The following SUZ12 variants were observed in gnomAD, a reference collection of about 807,000 sequenced individuals.
The protein encoded by SUZ12 is SUZ12 polycomb repressive complex 2 subunit.
In SUZ12, 17 loss-of-function variants were observed where a neutral mutation model predicts 87.3. That is an observed-to-expected ratio of 0.19 (90% CI 0.13 to 0.29). The LOEUF (loss-of-function observed/expected upper bound fraction) is 0.29, where lower values mean the gene tolerates loss of function less well. Ranked by LOEUF, SUZ12 falls within the 10% of genes least tolerant of loss-of-function variation. The pLI is 1.00. For missense variants in SUZ12, 526 were observed against 912.2 expected (o/e 0.58, Z 5.45); for synonymous variants, 253 against 312.4 (o/e 0.81, Z 2.01).
chr17:31,951,666 C>T (rs7214178), intron 4 of SUZ12, among the ~76,000 whole-genome samples: 2 of 151,268 alleles, frequency 1.3e-5, no homozygotes, highest in African/African-American at 2.4e-5. Flanking sequence ...TTAGTAGAGA[C>T]GGGGTTTCAC....
At chr17:31,980,081 T>C (rs898553510) in intron 8 of SUZ12, among the ~76,000 whole-genome samples, 4 of 151,732 alleles carry the variant, frequency 2.6e-5, no homozygotes, top group African/African-American at 9.7e-5. Flanking sequence ...CCTAACACTT[T>C]GGGAGTCCAA....
At chr17:31,960,178 C>T (rs1907611876) in intron 4 of SUZ12, among the ~76,000 whole-genome samples, 2 of 151,972 alleles carry the variant, frequency 1.3e-5, no homozygotes, top group Non-Finnish European at 2.9e-5. Context: ...TGGAAGGGAT[C>T]ATTGGTACAC....
intron 8 of SUZ12, among the ~76,000 whole-genome samples, chr17:31,982,786 A>G (rs1909191053): frequency 6.6e-6 from 1 of 152,250 alleles, no homozygotes; most frequent in Admixed American, 6.5e-5. Context: ...GAGTAGCTAC[A>G]GTAATGAATT....
Position 31,997,666 on chromosome 17 carries a change from C to CAAAAAAAA in SUZ12, c.1874+803_1874+810dup, listed in dbSNP as rs892389046. Among the ~76,000 whole-genome samples, 206 of 70,338 alleles carry CAAAAAAAA rather than the reference C, an allele frequency of 2.9e-3. 2 individuals are homozygous for CAAAAAAAA. The highest frequency in any genetic ancestry group is 9.3e-3 in the African/African-American group (193 of 20,842). 46.1% of individuals were successfully genotyped at this position (70,338 alleles called of 152,430 possible). On this transcript the variant is annotated intron_variant, in intron 15 of 15. Transcript: ENST00000322652. ...GGGCAACAGAGTGAGACCCTATCTC[C>CAAAAAAAA]AAAAAAAAAAAAAAAAAAAAAGGCC...
intron 5 of SUZ12, among the ~76,000 whole-genome samples, chr17:31,972,404 TAAATAG>T (rs1484549259): frequency 1.4e-5 from 2 of 147,816 alleles, no homozygotes; most frequent in African/African-American, 2.5e-5. Flanking sequence ...TATATATATA[TAAATAG>T]AAATGTGTAG....
At chr17:31,956,176 G>T (rs1363857136) in intron 4 of SUZ12, among the ~76,000 whole-genome samples, 1 of 151,102 alleles carries the variant, frequency 6.6e-6, no homozygotes, top group Non-Finnish European at 1.5e-5. Flanking sequence ...GCCTCCCAAA[G>T]TGCTGGGATT....
chr17:31,958,824 TAC>T (rs914219322), intron 4 of SUZ12, among the ~76,000 whole-genome samples: 3 of 152,026 alleles, frequency 2.0e-5, no homozygotes, highest in South Asian at 2.1e-4. Context: ...CCATCCTGGC[TAC>T]AGAGTGAAAC....
chr17:31,988,541 G>A lies in SUZ12; in HGVS notation c.1201+44G>A. 3 of 1,525,160 alleles carry A rather than the reference G, an allele frequency of 2.0e-6. No individual in the cohort carries two copies. In the South Asian group the frequency reaches 3.8e-5, roughly 19 times the overall value. The allele number at this position is 1,525,160 out of a possible 1,614,324, so 94.5% of individuals were successfully genotyped here. Reference sequence around the variant, plus strand: ...CAAAATAATAAAATAATGGTTTGCAGAGTTAGGTCTTGTGCTTTAGATTAA... The same window carrying A: ...CAAAATAATAAAATAATGGTTTGCAAAGTTAGGTCTTGTGCTTTAGATTAA... On this transcript the variant is annotated intron_variant, in intron 10 of 15. Transcript: ENST00000322652.
chr17:31,983,095 T>C lies in SUZ12; in HGVS notation c.1014T>C (p.Leu338=). The change falls in exon 9 of 16, where the codon CTT becomes CTC. Residue 338 remains leucine (L), a synonymous_variant. Transcript: ENST00000322652. ...SKKRATWETI[L]DGKRLPPFET... ...AAAGAGCAACATGGGAGACTATTCTTGATGGGAAGGTATGGACTACTTAGA... is the reference window on the plus strand; with the variant it reads ...AAAGAGCAACATGGGAGACTATTCTCGATGGGAAGGTATGGACTACTTAGA... 1 of 1,613,614 alleles carries C rather than the reference T, an allele frequency of 6.2e-7. No homozygotes were observed. Among genetic ancestry groups the C allele is most frequent in the Non-Finnish European group, 8.5e-7 (1 of 1,179,724 alleles).
At chr17:31,956,341 GT>G (rs986085346) in intron 4 of SUZ12, among the ~76,000 whole-genome samples, 91 of 152,074 alleles carry the variant, frequency 6.0e-4, no homozygotes, top group Middle Eastern at 6.8e-3. Context: ...CTACAGGCGT[GT>G]GCCACCATGC....
intron 9 of SUZ12, among the ~76,000 whole-genome samples, chr17:31,983,356 A>G (rs1356315060): frequency 6.7e-6 from 1 of 148,500 alleles, no homozygotes; most frequent in Non-Finnish European, 1.5e-5. Context: ...GCTCACTGCA[A>G]CCTCCACCTC....
chr17:31,970,538 G>A (rs1908364884), intron 5 of SUZ12, among the ~76,000 whole-genome samples: 1 of 152,026 alleles, frequency 6.6e-6, no homozygotes, highest in African/African-American at 2.4e-5. Flanking sequence ...TGAATCATGA[G>A]AATTGCTTGA....
intron 9 of SUZ12, among the ~76,000 whole-genome samples, chr17:31,983,646 C>T (rs1440866039): frequency 6.6e-6 from 1 of 152,032 alleles, no homozygotes; most frequent in Admixed American, 6.6e-5. Context: ...AGCTATGTGG[C>T]GTTTGGCAAG....
intron 4 of SUZ12, among the ~76,000 whole-genome samples, chr17:31,965,499 T>C (rs1908036134): frequency 2.6e-5 from 4 of 152,214 alleles, no homozygotes. Flanking sequence ...CTTTTGCTTT[T>C]CCATAGCTTC....
At position 31,994,737 on chromosome 17, in the gene SUZ12, A is replaced by G. The variant is rs540132561; in HGVS notation, c.1595+16A>G. On this transcript the variant is annotated intron_variant, in intron 13 of 15. Coordinates refer to ENST00000322652, the MANE Select transcript of SUZ12 (RefSeq NM_015355.4). ...TTGTGTGCAGGTAGGTAAAAAGGGC[A>G]TATAAGAAAAGTTTAAGCTCTGATT... is the stretch of plus-strand genomic sequence containing the variant. The G allele has an allele frequency of 5.1e-4, 815 of 1,607,974 alleles. 16 individuals carry two copies. The South Asian group carries it at 8.7e-3, about 17-fold the overall frequency.
At position 31,964,248 on chromosome 17, in the gene SUZ12, A is replaced by G. The variant is rs1404017183; in HGVS notation, c.456-1899A>G. The stretch of plus-strand genomic sequence containing the variant: ...CACCGTGTTAGCCAGGATAGTCTTC[A>G]TCTTCTGATCTCTTGATCCTCCTGT... On this transcript the variant is annotated intron_variant, in intron 4 of 15. Transcript: ENST00000322652. Among the ~76,000 whole-genome samples, 3 of 151,850 alleles carry G rather than the reference A, an allele frequency of 2.0e-5. No homozygotes were observed. In the East Asian group the frequency reaches 5.9e-4, roughly 30 times the overall value.
At chr17:31,962,449 G>T (rs191711992) in intron 4 of SUZ12, among the ~76,000 whole-genome samples, 1 of 152,120 alleles carries the variant, frequency 6.6e-6, no homozygotes, top group Non-Finnish European at 1.5e-5. Flanking sequence ...AATTAGCCAG[G>T]CATGATGGTG....
chr17:31,941,145 A>G (rs1236945432), intron 3 of SUZ12, among the ~76,000 whole-genome samples: 1 of 151,182 alleles, frequency 6.6e-6, no homozygotes, highest in Non-Finnish European at 1.5e-5. Context: ...GTGTCTGTCC[A>G]GGTTGGAGTG....
At chr17:31,961,012 G>C (rs1907680313) in intron 4 of SUZ12, among the ~76,000 whole-genome samples, 1 of 152,090 alleles carries the variant, frequency 6.6e-6, no homozygotes, top group African/African-American at 2.4e-5. Flanking sequence ...AGGAGTTTGA[G>C]ACCAGCCTGG....
Sources: allele counts gnomAD v4.1 joint callset (sites outside exome capture counted in the v4.1 genomes callset), GRCh38; gene constraint gnomAD v4.1.1; transcripts MANE v1.5; gene names NCBI Gene and HGNC (gene_info 2026-07-23, HGNC 2026-07-21).